COL6A5: variants seen among roughly 807,000 people sequenced by gnomAD.
COL6A5 encodes collagen type VI alpha 5 chain.
In COL6A5, 48 loss-of-function variants were observed where a neutral mutation model predicts 65.6. The observed-to-expected ratio is 0.73, with a 90% CI of 0.58 to 0.93. COL6A5 has a LOEUF of 0.93. COL6A5 is among the 40% of genes least tolerant of loss of function. The pLI is 0.00. For synonymous variants in COL6A5, 291 were observed against 322.8 expected (o/e 0.90, Z 1.05); for missense variants, 914 against 928.3 (o/e 0.98, Z 0.20).
chr3:130,441,296 T>C (rs1221997041), intron 3 of COL6A5, among the ~76,000 whole-genome samples: 4 of 152,146 alleles, frequency 2.6e-5, no homozygotes, highest in Non-Finnish European at 5.9e-5. Flanking sequence ...TTACTGAGGA[T>C]ATCTAGGGTG....
At chr3:130,417,700 T>C (rs998117424) in intron 24 of COL6A5, among the ~76,000 whole-genome samples, 2 of 152,174 alleles carry the variant, frequency 1.3e-5, no homozygotes, top group African/African-American at 4.8e-5. Context: ...CTGACTCCCC[T>C]GTTTAAAACC....
intron 4 of COL6A5, among the ~76,000 whole-genome samples, chr3:130,382,386 G>A (rs1936029130): frequency 6.6e-6 from 1 of 152,100 alleles, no homozygotes; most frequent in African/African-American, 2.4e-5. Context: ...TTTGCTATTG[G>A]GAGTTAAAGC....
chr3:130,392,113 C>T (rs547657266), intron 7 of COL6A5, among the ~76,000 whole-genome samples: 18 of 152,278 alleles, frequency 1.2e-4, no homozygotes, highest in African/African-American at 3.4e-4. Flanking sequence ...TCAATGCAGC[C>T]ACTGGACATC....
intron 1 of COL6A5, among the ~76,000 whole-genome samples, chr3:130,371,437 CATA>C (rs1935553567): frequency 6.6e-6 from 1 of 151,896 alleles, no homozygotes; most frequent in South Asian, 2.1e-4. Context: ...TAAAAGGTAG[CATA>C]ATCAAGACTA....
At chr3:130,483,411 A>T (rs182011117) in intron 7 of COL6A5, among the ~76,000 whole-genome samples, 1 of 152,330 alleles carries the variant, frequency 6.6e-6, no homozygotes, top group Non-Finnish European at 1.5e-5. Context: ...AAATGCCCCA[A>T]TTAAAAGACA....
rs908096064 is a variant in COL6A5 at position 130,444,621 on chromosome 3, T to A, written c.1332+1055T>A. Among the ~76,000 whole-genome samples, 12 of 152,148 alleles carry A rather than the reference T, an allele frequency of 7.9e-5. No homozygotes were observed. The East Asian group carries it at 2.3e-3, about 29-fold the overall frequency. ...TGAAGGCTTAGTCGTTCTCTCGATTTTGAGGCAGGATTCTTTGACTGGTCC... is the reference window on the plus strand; with the variant it reads ...TGAAGGCTTAGTCGTTCTCTCGATTATGAGGCAGGATTCTTTGACTGGTCC... On this transcript the variant is annotated intron_variant, in intron 4 of 7. Coordinates refer to ENST00000512836, the Ensembl canonical transcript of COL6A5.
chr3:130,411,694 A>G (rs889536217), intron 20 of COL6A5, among the ~76,000 whole-genome samples: 1 of 152,202 alleles, frequency 6.6e-6, no homozygotes, highest in Non-Finnish European at 1.5e-5. Flanking sequence ...TTAAGAGGAA[A>G]TACTTTTAGT....
chr3:130,358,587 C>T (rs566087904), intron 1 of COL6A5, among the ~76,000 whole-genome samples: 130 of 152,268 alleles, frequency 8.5e-4, no homozygotes, highest in African/African-American at 3.0e-3. Context: ...AAATACCTTT[C>T]CCAATCTCAC....
intron 1 of COL6A5, among the ~76,000 whole-genome samples, chr3:130,358,571 A>G (rs1935002715): frequency 6.6e-6 from 1 of 152,236 alleles, no homozygotes. Flanking sequence ...TGTACAGTTC[A>G]TAGAAAAATA....
In COL6A5 at chr3:130,416,746, T is replaced by G. The variant is rs944161883; in HGVS notation, c.4825-11T>G. 3 of 1,510,678 alleles carry G rather than the reference T, an allele frequency of 2.0e-6. No homozygotes were observed. In the African/African-American group the frequency reaches 4.2e-5, roughly 21 times the overall value. 93.6% of individuals were successfully genotyped at this position (1,510,678 alleles called of 1,614,324 possible). A position where few individuals can be genotyped will look rare whatever the true frequency, so the allele number is the denominator to read the frequency against. ...CGGTGCCAACATTTTAGTCTCTAAT[T>G]TTTTTTTCAGGGTTCTCCTGGGCTA... On this transcript the variant is annotated splice_polypyrimidine_tract_variant and intron_variant and NMD_transcript_variant, in intron 23 of 41. Coordinates refer to the COL6A5 transcript ENST00000312481.
intron 1 of COL6A5, among the ~76,000 whole-genome samples, chr3:130,363,481 A>C (rs1412466070): frequency 6.6e-6 from 1 of 152,096 alleles, no homozygotes; most frequent in Non-Finnish European, 1.5e-5. Context: ...CTTGGGAGGG[A>C]CAGGATGGTG....
intron 6 of COL6A5, 150 bp downstream of exon 6, chr3:130,389,284 C>T (rs1936311946): frequency 2.1e-6 from 1 of 473,714 alleles, no homozygotes; most frequent in African/African-American, 2.0e-5. Flanking sequence ...TGCCTGTGAC[C>T]TCCAGGAATG....
At chr3:130,440,578 G>T (rs959195801) in exon 3 of COL6A5, 3 of 1,613,442 alleles carry the variant, frequency 1.9e-6, no homozygotes, top group Non-Finnish European at 2.5e-6. Context: ...GAAAACACAA[G>T]GTCATCTTTG....
intron 7 of COL6A5, among the ~76,000 whole-genome samples, chr3:130,393,055 T>C (rs1936453825): frequency 6.8e-6 from 1 of 147,176 alleles, no homozygotes; most frequent in Admixed American, 6.9e-5. Context: ...TGGTCACTCT[T>C]CTGCTTACAG....
exon 5 of COL6A5, chr3:130,384,956 C>T (rs1936131115): frequency 3.9e-6 from 6 of 1,550,944 alleles, no homozygotes; most frequent in Non-Finnish European, 4.4e-6. Flanking sequence ...TGGAGTTGTG[C>T]AGTATTCAGA....
intron 22 of COL6A5, among the ~76,000 whole-genome samples, chr3:130,414,551 A>G (rs1365439373): frequency 6.6e-6 from 1 of 152,116 alleles, no homozygotes; most frequent in Non-Finnish European, 1.5e-5. Context: ...GGGTATCAGT[A>G]TTTCTGAAAT....
At chr3:130,482,035 T>C (rs908578372) in intron 7 of COL6A5, among the ~76,000 whole-genome samples, 1 of 152,148 alleles carries the variant, frequency 6.6e-6, no homozygotes, top group East Asian at 1.9e-4. Context: ...GCTGTGCAGA[T>C]GCTGTTTAGT....
chr3:130,349,573 T>A (rs1303403275), intron 1 of COL6A5, among the ~76,000 whole-genome samples: 1 of 152,204 alleles, frequency 6.6e-6, no homozygotes, highest in Non-Finnish European at 1.5e-5. Context: ...CATAATGTAA[T>A]AATCTAGTGA....
chr3:130,371,516 C>A (rs1002344313), intron 1 of COL6A5, among the ~76,000 whole-genome samples: 2 of 151,910 alleles, frequency 1.3e-5, no homozygotes, highest in Non-Finnish European at 2.9e-5. Context: ...AAAAATAAAC[C>A]CATCCACTCA....
Sources: allele counts gnomAD v4.1 joint callset (sites outside exome capture counted in the v4.1 genomes callset), GRCh38; gene constraint gnomAD v4.1.1; transcripts MANE v1.5; gene names NCBI Gene and HGNC (gene_info 2026-07-23, HGNC 2026-07-21).